Variants in ADGRL3 observed in about 807,000 individuals in gnomAD.
ADGRL3 encodes adhesion G protein-coupled receptor L3.
In ADGRL3, 62 loss-of-function variants were observed where a neutral mutation model predicts 153.5. That is an observed-to-expected ratio of 0.40 (90% CI 0.33 to 0.50). ADGRL3 has a LOEUF of 0.50. Among genes scored for constraint, ADGRL3 ranks in the 20% least tolerant of loss-of-function variants. The pLI, the probability that ADGRL3 is intolerant of heterozygous loss-of-function variation, is 0.47. For synonymous variants in ADGRL3, 710 were observed against 672.5 expected (o/e 1.06, Z -0.86); for missense variants, 1,641 against 1,859.4 (o/e 0.88, Z 2.16).
At chr4:61,875,193 C>T (rs1015956340) in intron 9 of ADGRL3, among the ~76,000 whole-genome samples, 10 of 152,178 alleles carry the variant, frequency 6.6e-5, no homozygotes, top group Non-Finnish European at 1.2e-4. Context: ...TGTCACTCTT[C>T]TTTCTGTTTC....
chr4:62,021,007 G>A lies in ADGRL3; in HGVS notation c.3396-7848G>A, dbSNP rs960869604. ...ATAAACTGAGGCCCTTTAAATGTAT[G>A]TATTAAAGATCAACTCAGAGACAGT... On this transcript the variant is annotated intron_variant, in intron 21 of 26. Coordinates refer to ENST00000683033, the MANE Select transcript of ADGRL3 (RefSeq NM_001387552.1). 2.6e-5 allele frequency among the ~76,000 whole-genome samples: 4 copies of A among 151,858 alleles called. 1 individual carries two copies. The highest frequency in any genetic ancestry group is 4.1e-4 in the South Asian group (2 of 4,830).
intron 2 of ADGRL3, among the ~76,000 whole-genome samples, chr4:61,458,257 T>C (rs2097774639): frequency 6.6e-6 from 1 of 151,410 alleles, no homozygotes; most frequent in Non-Finnish European, 1.5e-5. Flanking sequence ...TGTTATAATA[T>C]GAAAAATGAA....
Position 61,587,214 on chromosome 4 carries a change from T to C in ADGRL3, c.260-13T>C, listed in dbSNP as rs1489874163. 2 of 1,583,092 alleles carry C rather than the reference T, an allele frequency of 1.3e-6. No individual in the cohort carries two copies. Among genetic ancestry groups the C allele is most frequent in the African/African-American group, 1.3e-5 (1 of 74,394 alleles). ...AACGATGGCATCTCTTTTCTTCCTC[T>C]TCCTTTTGGCAGCTTTCAGCCGTGC... On this transcript the variant is annotated splice_polypyrimidine_tract_variant and intron_variant, in intron 4 of 26. Coordinates refer to ENST00000683033, the MANE Select transcript of ADGRL3 (RefSeq NM_001387552.1).
chr4:61,478,568 T>G (rs2098093082), intron 2 of ADGRL3, among the ~76,000 whole-genome samples: 1 of 152,082 alleles, frequency 6.6e-6, no homozygotes. Context: ...CAATCACATT[T>G]GTTTTTGGCT....
chr4:61,370,134 G>T (rs1264026324), intron 1 of ADGRL3, among the ~76,000 whole-genome samples: 1 of 151,816 alleles, frequency 6.6e-6, no homozygotes, highest in African/African-American at 2.4e-5. Flanking sequence ...TTCTTTATTA[G>T]TCTTGCTAGT....
chr4:61,910,145 G>A (rs1560362214), intron 12 of ADGRL3, among the ~76,000 whole-genome samples: 2 of 151,564 alleles, frequency 1.3e-5, no homozygotes. Context: ...ATAATAACAA[G>A]AAGATGTTAT....
intron 5 of ADGRL3, among the ~76,000 whole-genome samples, chr4:61,655,754 T>A (rs907485782): frequency 1.3e-5 from 2 of 152,208 alleles, no homozygotes; most frequent in Non-Finnish European, 2.9e-5. Flanking sequence ...TGGCAAACTA[T>A]ACTTTCACAT....
At chr4:61,563,487 C>T (rs1000821495) in intron 4 of ADGRL3, among the ~76,000 whole-genome samples, 2 of 152,084 alleles carry the variant, frequency 1.3e-5, no homozygotes, top group Admixed American at 6.6e-5. Context: ...AAAGTCAGCC[C>T]GTCCTTTGAA....
rs570272614 is a variant in ADGRL3, at chr4:61,872,600, A to G, written c.1481-20056A>G. Among the ~76,000 whole-genome samples, 32 of 151,612 alleles carry G rather than the reference A, an allele frequency of 2.1e-4. 1 individual carries two copies. The South Asian group carries it at 6.2e-3, about 30-fold the overall frequency. ...GACTATTCTCCCCCAGGTTTCATTC[A>G]GACATTTACTTATTCAGTTTCAAGT... On this transcript the variant is annotated intron_variant, in intron 9 of 26. Transcript: ENST00000683033.
chr4:61,842,330 G>A (rs2098045050), intron 9 of ADGRL3, among the ~76,000 whole-genome samples: 1 of 152,078 alleles, frequency 6.6e-6, no homozygotes, highest in Non-Finnish European at 1.5e-5. Flanking sequence ...TTTCTACATA[G>A]ATAAGTATAT....
chr4:62,073,535 A>G lies in ADGRL3; in HGVS notation c.*2627A>G, dbSNP rs1025988081. 7.2e-5 allele frequency: 11 copies of G among 152,156 alleles called. No individual in the cohort carries two copies. Among genetic ancestry groups the G allele is most frequent in the African/African-American group, 2.7e-4 (11 of 41,456 alleles). 9.4% of individuals were successfully genotyped at this position (152,156 alleles called of 1,614,324 possible). On this transcript the variant is annotated 3_prime_UTR_variant, in exon 27 of 27. Transcript: ENST00000683033. The stretch of plus-strand genomic sequence containing the variant: ...TATGAGCACTTATGCTTGTTTTGTC[A>G]AACAGTAACCTACATGAAAGCAACT...
chr4:61,587,530 G>T, intron 5 of ADGRL3, 90 bp downstream of exon 5: 1 of 976,618 alleles, frequency 1.0e-6, no homozygotes, highest in Admixed American at 2.6e-5. Flanking sequence ...AACATAAACA[G>T]TGTTATGTAT....
At chr4:61,458,707 C>T (rs2097779415) in intron 2 of ADGRL3, among the ~76,000 whole-genome samples, 1 of 151,258 alleles carries the variant, frequency 6.6e-6, no homozygotes, top group African/African-American at 2.4e-5. Context: ...GTTTAGGTAG[C>T]TAATATTTGT....
chr4:61,986,916 C>T (rs1406068486), intron 19 of ADGRL3, among the ~76,000 whole-genome samples: 1 of 152,106 alleles, frequency 6.6e-6, no homozygotes, highest in Non-Finnish European at 1.5e-5. Context: ...AGAACCAGTA[C>T]TGAGCCATGG....
At chr4:61,964,299 T>G (rs2098998450) in intron 17 of ADGRL3, among the ~76,000 whole-genome samples, 1 of 152,180 alleles carries the variant, frequency 6.6e-6, no homozygotes, top group African/African-American at 2.4e-5. Flanking sequence ...TTATAAGGTT[T>G]TCTGGAAATA....
chr4:61,591,753 A>G (rs1439999962), intron 5 of ADGRL3, among the ~76,000 whole-genome samples: 1 of 151,946 alleles, frequency 6.6e-6, no homozygotes, highest in African/African-American at 2.4e-5. Context: ...TTCACATATA[A>G]TAGTCACATT....
At chr4:61,205,471 C>T (rs1306187530) in intron 1 of ADGRL3, among the ~76,000 whole-genome samples, 1 of 152,148 alleles carries the variant, frequency 6.6e-6, no homozygotes, top group Non-Finnish European at 1.5e-5. Context: ...TTTGCCTTCT[C>T]TTTCCTAGAT....
chr4:61,357,950 A>G (rs2096208948), intron 1 of ADGRL3, among the ~76,000 whole-genome samples: 1 of 152,196 alleles, frequency 6.6e-6, no homozygotes, highest in Non-Finnish European at 1.5e-5. Flanking sequence ...TAGAATTAGA[A>G]TGATTAATTA....
chr4:61,550,634 A>G (rs1043444063), intron 4 of ADGRL3, among the ~76,000 whole-genome samples: 9 of 141,402 alleles, frequency 6.4e-5, no homozygotes. Context: ...CGAGGATAGC[A>G]AAGGAAAATT....
Sources: allele counts gnomAD v4.1 joint callset (sites outside exome capture counted in the v4.1 genomes callset), GRCh38; gene constraint gnomAD v4.1.1; transcripts MANE v1.5; gene names NCBI Gene and HGNC (gene_info 2026-07-23, HGNC 2026-07-21).